The following SPTB variants were observed in gnomAD, a reference collection of about 807,000 sequenced individuals.
SPTB encodes spectrin beta chain, erythrocytic.
A neutral mutation model predicts 256.2 loss-of-function variants in SPTB; 45 were observed. That is an observed-to-expected ratio of 0.18 (90% CI 0.14 to 0.23). The LOEUF (loss-of-function observed/expected upper bound fraction) is 0.23. Ranked by LOEUF, SPTB falls within the 10% of genes least tolerant of loss-of-function variation. The pLI, the probability that SPTB is intolerant of heterozygous loss-of-function variation, is 1.00. For missense variants in SPTB, 2,715 were observed against 3,040.4 expected (o/e 0.89, Z 2.52); for synonymous variants, 1,231 against 1,243.1 (o/e 0.99, Z 0.21).
chr14:64,802,897 G>A lies in SPTB; in HGVS notation c.475-580C>T, dbSNP rs2082913954. Among the ~76,000 whole-genome samples, 1 of 152,188 alleles carries A rather than the reference G, an allele frequency of 6.6e-6. No individual in the cohort carries two copies. The highest frequency in any genetic ancestry group is 1.5e-5 in the Non-Finnish European group (1 of 68,034). The stretch of plus-strand genomic sequence containing the variant: ...CCTCTGGAGGTGCAATGCCCCTTGA[G>A]GCTGTGGAACAACATGAATGCTGAT... On this transcript the variant is annotated intron_variant, in intron 4 of 35. Coordinates refer to ENST00000644917, the MANE Select transcript of SPTB (RefSeq NM_001355436.2). This position sits in a 1 kb window ranked among gnomAD's most constrained non-coding sequence, Gnocchi z 5.1.
chr14:64,772,559 G>A lies in SPTB; in HGVS notation c.5553+21C>T, dbSNP rs1379586602. ...GCTCCTGGAAATTGGTAGCAGGTGG[G>A]CGGCAGGGGGCTGAAGGTACCTGGA... On this transcript the variant is annotated intron_variant, in intron 26 of 35. Coordinates refer to ENST00000644917, the MANE Select transcript of SPTB (RefSeq NM_001355436.2). The surrounding 1 kb of genome is among the most constrained non-coding windows in gnomAD (Gnocchi z 5.4). 2 of 1,601,166 alleles carry A rather than the reference G, an allele frequency of 1.2e-6. No homozygotes were observed. The highest frequency in any genetic ancestry group is 2.7e-5 in the African/African-American group (2 of 74,838).
intron 1 of SPTB, among the ~76,000 whole-genome samples, chr14:64,864,019 C>T (rs1882009964): frequency 6.6e-6 from 1 of 152,176 alleles, no homozygotes; most frequent in Non-Finnish European, 1.5e-5. Context: ...ATAGCATCAG[C>T]AAATAGAAGC....
At chr14:64,774,372 G>A (rs375126274) in intron 24 of SPTB, 25 bp downstream of exon 24, 210 of 1,578,106 alleles carry the variant, frequency 1.3e-4, no homozygotes, top group Admixed American at 1.8e-4. Flanking sequence ...TCTCCTGACC[G>A]AGTCACCACA....
chr14:64,803,134 G>C (rs2139635170), intron 4 of SPTB, among the ~76,000 whole-genome samples: 1 of 152,280 alleles, frequency 6.6e-6, no homozygotes, highest in East Asian at 1.9e-4. Context: ...ACCAGCAGGT[G>C]CAAGACCCTG....
At chr14:64,813,491 T>C (rs557807411) in intron 2 of SPTB, among the ~76,000 whole-genome samples, 14 of 151,986 alleles carry the variant, frequency 9.2e-5, no homozygotes, top group Non-Finnish European at 1.8e-4. Flanking sequence ...GGAACCAGAG[T>C]GAGCCATGCT....
Position 64,750,051 on chromosome 14 carries a change from G to T in SPTB, c.6706C>A (p.Leu2236Met), listed in dbSNP as rs1555364746. 1 of 1,614,214 alleles carries T rather than the reference G, an allele frequency of 6.2e-7. No individual in the cohort carries two copies. Among genetic ancestry groups the T allele is most frequent in the African/African-American group, 1.3e-5 (1 of 75,052 alleles). The stretch of plus-strand genomic sequence containing the variant: ...TCACAGATGGCATGTCTCAGGGCCA[G>T]GGGTTCCTCCCCATGGTAGGGCATC... Reference protein sequence around the residue: ...LGMPYHGEEPLALRHAICEIA... With the variant: ...LGMPYHGEEPMALRHAICEIA... Residue 2236 changes from leucine (L) to methionine (M), a missense_variant, in exon 34 of 36, where the codon CTG (leucine) becomes ATG (methionine). Around this residue, in one of 4 missense-constraint regions of SPTB, gnomAD observed 2,239 missense variants for 2,384.4 expected, o/e 0.94. Coordinates refer to ENST00000644917, the MANE Select transcript of SPTB (RefSeq NM_001355436.2).
chr14:64,763,503 C>T (rs924644317), intron 32 of SPTB, among the ~76,000 whole-genome samples: 2 of 152,222 alleles, frequency 1.3e-5, no homozygotes, highest in Non-Finnish European at 2.9e-5. Flanking sequence ...GTGGTGAAAA[C>T]CACCTCTCCC....
In SPTB at chr14:64,793,935, A is replaced by T. The variant is rs2082722204; in HGVS notation, c.1796-68T>A. ...TTCATTTATGGGCACGCTTCAGATA[A>T]GCTGCTAGGTTGGAACTACACAACC... On this transcript the variant is annotated intron_variant, in intron 13 of 35. Transcript: ENST00000644917. This position sits in a 1 kb window ranked among gnomAD's most constrained non-coding sequence, Gnocchi z 7.0. 3.3e-6 allele frequency: 5 copies of T among 1,521,728 alleles called. No individual in the cohort carries two copies. The highest frequency in any genetic ancestry group is 3.5e-6 in the Non-Finnish European group (4 of 1,136,106). 94.3% of individuals were successfully genotyped at this position (1,521,728 alleles called of 1,614,324 possible). A position where few individuals can be genotyped will look rare whatever the true frequency, so the allele number is the denominator to read the frequency against.
chr14:64,869,044 G>A (rs537579310), intron 1 of SPTB, among the ~76,000 whole-genome samples: 8 of 150,496 alleles, frequency 5.3e-5, no homozygotes, highest in Admixed American at 2.6e-4. Flanking sequence ...AAAAAGAAAC[G>A]CTGAGAATTA....
chr14:64,768,926 C>T (rs951798263), intron 29 of SPTB, 108 bp downstream of exon 29: 7 of 927,348 alleles, frequency 7.5e-6, no homozygotes, highest in Non-Finnish European at 1.1e-5. Context: ...CTGTGGGGGG[C>T]TCCTCTCTAG....
rs1053544800 is a variant in SPTB at position 64,853,378 on chromosome 14, G to A, written c.-52+26414C>T. ...AACCTCTTCCTCAGGATATGCCCAG[G>A]AAGCCATCAAAGAACAAAGCAATTT... On this transcript the variant is annotated intron_variant, in intron 1 of 35. Transcript: ENST00000644917. The surrounding 1 kb of genome is among the most constrained non-coding windows in gnomAD (Gnocchi z 4.3). 2.0e-5 allele frequency among the ~76,000 whole-genome samples: 3 copies of A among 152,192 alleles called. No individual in the cohort carries two copies. The highest frequency in any genetic ancestry group is 6.5e-5 in the Admixed American group (1 of 15,278).
At chr14:64,800,518 G>A (rs530248448) in intron 8 of SPTB, among the ~76,000 whole-genome samples, 1 of 152,340 alleles carries the variant, frequency 6.6e-6, no homozygotes, top group East Asian at 1.9e-4. Context: ...TGGGTCTCAG[G>A]TGGACCAGGT....
rs1282056414 is a variant in SPTB at position 64,774,279 on chromosome 14, G to C, written c.4973+118C>G. The C allele has an allele frequency of 4.4e-6, 6 of 1,362,116 alleles. No individual in the cohort carries two copies. In the African/African-American group the frequency reaches 7.3e-5, roughly 17 times the overall value. The allele number at this position is 1,362,116 out of a possible 1,614,324, so 84.4% of individuals were successfully genotyped here. A position where few individuals can be genotyped will look rare whatever the true frequency, so the allele number is the denominator to read the frequency against. On this transcript the variant is annotated intron_variant, in intron 24 of 35. Coordinates refer to ENST00000644917, the MANE Select transcript of SPTB (RefSeq NM_001355436.2). ...ACCAGTCCCGCAGCAATTTTCTCCAGCCCTATTTGATGGGAAAACTCTTTC... is the reference window on the plus strand; with the variant it reads ...ACCAGTCCCGCAGCAATTTTCTCCACCCCTATTTGATGGGAAAACTCTTTC...
At chr14:64,766,936 A>G in intron 31 of SPTB, 135 bp from the exon 32 acceptor site, 1 of 1,182,042 alleles carries the variant, frequency 8.5e-7, no homozygotes, top group Non-Finnish European at 1.2e-6. Flanking sequence ...GGCAGCCTGG[A>G]TGGTGCTTGG....
At chr14:64,831,591 G>A (rs963675115) in intron 1 of SPTB, among the ~76,000 whole-genome samples, 1 of 152,242 alleles carries the variant, frequency 6.6e-6, no homozygotes, top group African/African-American at 2.4e-5. Flanking sequence ...ACTGGTGGGA[G>A]TGTGGACTGG....
In SPTB at chr14:64,759,973, T is replaced by C. The variant is rs1005765167; in HGVS notation, c.6346-6180A>G. 6.6e-6 allele frequency among the ~76,000 whole-genome samples: 1 copy of C among 151,898 alleles called. No individual in the cohort carries two copies. Among genetic ancestry groups the C allele is most frequent in the Non-Finnish European group, 1.5e-5 (1 of 67,970 alleles). ...AGGCAGGGGGAGGTGTCTGAGGAGC[T>C]GTGTGTACTGGCTGTGGGATCATGA... On this transcript the variant is annotated intron_variant, in intron 32 of 35. Transcript: ENST00000644917. The surrounding 1 kb of genome is among the most constrained non-coding windows in gnomAD (Gnocchi z 4.8).
chr14:64,859,157 G>A (rs112027372), intron 1 of SPTB, among the ~76,000 whole-genome samples: 3,267 of 152,290 alleles, frequency 0.021, 90 homozygotes, highest in African/African-American at 0.066. Flanking sequence ...CAGAGGCTGA[G>A]GCACGAGAAT....
In SPTB at chr14:64,772,252, C is replaced by A. The variant is rs557034951; in HGVS notation, c.5553+328G>T. Among the ~76,000 whole-genome samples, 1 of 152,298 alleles carries A rather than the reference C, an allele frequency of 6.6e-6. No individual in the cohort carries two copies. The highest frequency in any genetic ancestry group is 1.5e-5 in the Non-Finnish European group (1 of 68,024). On this transcript the variant is annotated intron_variant, in intron 26 of 35. Coordinates refer to ENST00000644917, the MANE Select transcript of SPTB (RefSeq NM_001355436.2). The surrounding 1 kb of genome is among the most constrained non-coding windows in gnomAD (Gnocchi z 5.4). ...TGCCTCAGAGGACTGCCATGAGGGT[C>A]CAGCGGCTACATACATTGCTCAGAA... is the stretch of plus-strand genomic sequence containing the variant.
chr14:64,787,291 A>G (rs2082589954), intron 15 of SPTB, 131 bp from the exon 16 acceptor site: 1 of 1,244,600 alleles, frequency 8.0e-7, no homozygotes, highest in African/African-American at 1.5e-5. Flanking sequence ...ATAAAAAGAA[A>G]AAAAAAAATC....
Sources: gnomAD v4.1 joint callset for allele counts (sites outside exome capture counted in the v4.1 genomes callset) on GRCh38, gnomAD v4.1.1 for gene constraint, gnomAD v4.1.1 regional missense constraint, Gnocchi (gnomAD v3.1) non-coding constraint, MANE v1.5 for transcripts, NCBI Gene and HGNC (gene_info 2026-07-23, HGNC 2026-07-21) for gene names.